RASGEF1C: variants seen among roughly 807,000 people sequenced by gnomAD.
RASGEF1C encodes RasGEF domain family member 1C, also known as ras-GEF domain-containing family member 1C.
RASGEF1C carries 27 observed loss-of-function variants against 58.1 expected under a neutral mutation model. The observed-to-expected ratio is 0.46, with a 90% CI of 0.34 to 0.64. RASGEF1C has a LOEUF of 0.64. Ranked by LOEUF, RASGEF1C falls within the 30% of genes least tolerant of loss-of-function variation. The pLI, the probability that RASGEF1C is intolerant of heterozygous loss-of-function variation, is 0.01. For synonymous variants in RASGEF1C, 243 were observed against 246.3 expected (o/e 0.99, Z 0.13); for missense variants, 502 against 605.1 (o/e 0.83, Z 1.79).
chr5:180,174,303 G>C (rs1406012857), intron 1 of RASGEF1C, among the ~76,000 whole-genome samples: 1 of 152,198 alleles, frequency 6.6e-6, no homozygotes, highest in African/African-American at 2.4e-5. Flanking sequence ...GAAGTCATCA[G>C]TTTATGATAA....
intron 1 of RASGEF1C, among the ~76,000 whole-genome samples, chr5:180,178,831 T>C (rs1581122501): frequency 6.6e-6 from 1 of 151,888 alleles, no homozygotes; most frequent in African/African-American, 2.4e-5. Flanking sequence ...ATGGGCCTAA[T>C]GCACCCCCGG....
chr5:180,128,819 T>C (rs1443705825), intron 4 of RASGEF1C, among the ~76,000 whole-genome samples: 3 of 152,072 alleles, frequency 2.0e-5, no homozygotes, highest in Non-Finnish European at 2.9e-5. Flanking sequence ...TGGCAAGGGA[T>C]CTGGGGTGAA....
At chr5:180,172,497 G>A (rs974622742) in intron 1 of RASGEF1C, among the ~76,000 whole-genome samples, 113 of 152,278 alleles carry the variant, frequency 7.4e-4, no homozygotes, top group African/African-American at 2.1e-3. Context: ...AGCCTGACAC[G>A]GAATCTGTGG....
chr5:180,203,060 G>A (rs1309031044), intron 1 of RASGEF1C, among the ~76,000 whole-genome samples: 1 of 152,158 alleles, frequency 6.6e-6, no homozygotes, highest in African/African-American at 2.4e-5. Flanking sequence ...CAGTCAAAGG[G>A]TGACTGGGAA....
rs1193645938 is a variant in RASGEF1C, at chr5:180,102,202, C to T, written c.1304-59G>A. On this transcript the variant is annotated intron_variant, in intron 12 of 13. Coordinates refer to ENST00000361132, the MANE Select transcript of RASGEF1C (RefSeq NM_175062.4). ...TGGTTGATGATAATAACCTGTTCTA[C>T]ACCTGCTATATCTGCGTGGGTCTCT... The T allele has an allele frequency of 5.0e-6, 5 of 1,003,364 alleles. No homozygotes were observed. The Admixed American group carries it at 6.9e-5, about 14-fold the overall frequency. 62.2% of individuals were successfully genotyped at this position (1,003,364 alleles called of 1,614,324 possible).
rs75697860 is a variant in RASGEF1C at position 180,119,401 on chromosome 5, G to C, written c.852C>G (p.Asp284Glu). The C allele has an allele frequency of 3.7e-6, 6 of 1,614,060 alleles. No individual in the cohort carries two copies. Among genetic ancestry groups the C allele is most frequent in the Non-Finnish European group, 5.1e-6 (6 of 1,179,996 alleles). The change falls in exon 8 of 14, where the codon GAC becomes GAG. Residue 284 changes from aspartate (D) to glutamate (E), a missense_variant. Transcript: ENST00000361132. ...QRAQVIEFFI[D>E]VARECFNIGN... Reference sequence around the variant, plus strand: ...CGATGTTGAAGCACTCGCGGGCCACGTCGATGAAGAACTCAATCACCTGGG... The same window carrying C: ...CGATGTTGAAGCACTCGCGGGCCACCTCGATGAAGAACTCAATCACCTGGG...
At chr5:180,172,395 C>T (rs1263937731) in intron 1 of RASGEF1C, among the ~76,000 whole-genome samples, 1 of 152,186 alleles carries the variant, frequency 6.6e-6, no homozygotes, top group African/African-American at 2.4e-5. Context: ...CGTGTGTTCC[C>T]CTGGCCTCTC....
At chr5:180,134,043 G>C (rs762727452) in intron 4 of RASGEF1C, among the ~76,000 whole-genome samples, 1 of 152,200 alleles carries the variant, frequency 6.6e-6, no homozygotes, top group Non-Finnish European at 1.5e-5. Flanking sequence ...TCCCAGTCCG[G>C]ATCTGGGTGG....
At chr5:180,133,701 G>A (rs751784721) in intron 4 of RASGEF1C, among the ~76,000 whole-genome samples, 1 of 152,230 alleles carries the variant, frequency 6.6e-6, no homozygotes. Flanking sequence ...TGTGTGTGAG[G>A]ACAGGACAAA....
At chr5:180,205,488 G>T (rs1430008698) in intron 1 of RASGEF1C, among the ~76,000 whole-genome samples, 1 of 152,048 alleles carries the variant, frequency 6.6e-6, no homozygotes. Flanking sequence ...ACTTCATAAA[G>T]ATGCCAATTA....
chr5:180,183,757 G>A (rs1755962424), intron 1 of RASGEF1C, among the ~76,000 whole-genome samples: 1 of 151,936 alleles, frequency 6.6e-6, no homozygotes, highest in Admixed American at 6.6e-5. Flanking sequence ...AGGAGGCAGA[G>A]GTTGCAGTGA....
At chr5:180,205,631 T>A (rs1350787355) in intron 1 of RASGEF1C, among the ~76,000 whole-genome samples, 2 of 152,138 alleles carry the variant, frequency 1.3e-5, no homozygotes, top group Non-Finnish European at 2.9e-5. Flanking sequence ...CCACCACATG[T>A]TAAAACACAA....
intron 1 of RASGEF1C, among the ~76,000 whole-genome samples, chr5:180,184,449 C>T (rs1272649293): frequency 2.0e-5 from 3 of 151,792 alleles, no homozygotes; most frequent in Non-Finnish European, 4.4e-5. Flanking sequence ...TGGTGGTGTG[C>T]ACCTATAATC....
chr5:180,192,779 C>G (rs1756188904), intron 1 of RASGEF1C, among the ~76,000 whole-genome samples: 1 of 150,830 alleles, frequency 6.6e-6, no homozygotes, highest in East Asian at 2.0e-4. Context: ...GAGTCTGGCT[C>G]TGTTGCCCAG....
chr5:180,107,018 C>G (rs1278207728), intron 12 of RASGEF1C, among the ~76,000 whole-genome samples: 1 of 152,086 alleles, frequency 6.6e-6, no homozygotes, highest in Non-Finnish European at 1.5e-5. Flanking sequence ...GTATAATGTC[C>G]TTCTTTGTTT....
At chr5:180,122,149 C>T (rs974881846) in intron 6 of RASGEF1C, among the ~76,000 whole-genome samples, 1 of 152,094 alleles carries the variant, frequency 6.6e-6, no homozygotes, top group Non-Finnish European at 1.5e-5. Flanking sequence ...TATATTGATC[C>T]GCTGGCAAAA....
At chr5:180,141,635 C>T (rs1203335553) in intron 1 of RASGEF1C, among the ~76,000 whole-genome samples, 8 of 151,194 alleles carry the variant, frequency 5.3e-5, no homozygotes, top group Non-Finnish European at 8.8e-5. Context: ...AGTTCCACCA[C>T]GATATGAAGG....
intron 1 of RASGEF1C, among the ~76,000 whole-genome samples, chr5:180,187,685 A>G (rs180725856): frequency 1.3e-5 from 2 of 152,348 alleles, no homozygotes; most frequent in Admixed American, 6.5e-5. Flanking sequence ...GAAGCAGGCA[A>G]AATACTTGAA....
intron 1 of RASGEF1C, among the ~76,000 whole-genome samples, chr5:180,159,405 G>C (rs908695078): frequency 6.6e-6 from 1 of 152,166 alleles, no homozygotes; most frequent in Non-Finnish European, 1.5e-5. Flanking sequence ...CTCCCAAAGC[G>C]CTGGGATTAC....
Sources: gnomAD v4.1 joint callset for allele counts (sites outside exome capture counted in the v4.1 genomes callset) on GRCh38, gnomAD v4.1.1 for gene constraint, MANE v1.5 for transcripts, NCBI Gene and HGNC (gene_info 2026-07-23, HGNC 2026-07-21) for gene names.